Variants in FOXP1 observed in about 807,000 individuals in gnomAD.
The protein encoded by FOXP1 is forkhead box protein P1.
In FOXP1, 15 loss-of-function variants were observed where a neutral mutation model predicts 98.2. The ratio of observed to expected loss-of-function variants is 0.15; its 90% confidence interval spans 0.10 to 0.24. The LOEUF (loss-of-function observed/expected upper bound fraction) is 0.24. Among genes scored for constraint, FOXP1 ranks in the 10% least tolerant of loss-of-function variants. FOXP1 has a pLI of 1.00. For synonymous variants in FOXP1, 371 were observed against 314.5 expected (o/e 1.18, Z -1.90); for missense variants, 633 against 848.5 (o/e 0.75, Z 3.15).
Position 71,413,292 on chromosome 3 carries a change from C to CACACACACA in FOXP1, c.-167-54049_-167-54048insTGTGTGTGT, listed in dbSNP as rs1364185381. ...CACACACACACACACACACACACAC[C>CACACACACA]CAAAACAGCCAACCAGTATGGAACT... On this transcript the variant is annotated intron_variant, in intron 3 of 20. Transcript: ENST00000649528. Among the ~76,000 whole-genome samples, 479 of 89,196 alleles carry CACACACACA rather than the reference C, an allele frequency of 5.4e-3. 2 individuals carry two copies. Among genetic ancestry groups the CACACACACA allele is most frequent in the Non-Finnish European group, 8.8e-3 (347 of 39,308 alleles). 58.5% of individuals were successfully genotyped at this position (89,196 alleles called of 152,430 possible).
intron 11 of FOXP1, among the ~76,000 whole-genome samples, chr3:71,017,787 G>A (rs1272748985): frequency 6.6e-6 from 1 of 152,080 alleles, no homozygotes; most frequent in Non-Finnish European, 1.5e-5. Context: ...GCTTAAACAT[G>A]CCAATATTAT....
intron 17 of FOXP1, among the ~76,000 whole-genome samples, chr3:70,973,932 A>G (rs982043469): frequency 2.0e-5 from 3 of 147,224 alleles, no homozygotes; most frequent in Admixed American, 7.1e-5. Context: ...ATACTCTGAG[A>G]GGTGCTTCAG....
At chr3:71,180,946 A>G (rs1398685786) in intron 6 of FOXP1, among the ~76,000 whole-genome samples, 1 of 152,110 alleles carries the variant, frequency 6.6e-6, no homozygotes, top group Admixed American at 6.6e-5. Context: ...ATTGATTAGG[A>G]TATGTGTTTT....
rs1273032992 is a variant in FOXP1 at position 71,396,953 on chromosome 3, T to C, written c.-167-37709A>G. On this transcript the variant is annotated intron_variant, in intron 3 of 20. Transcript: ENST00000649528. Reference sequence around the variant, plus strand: ...ATATATACACATATATATATGTGTATATATATATATGTGTGTATATATATA... The same window carrying C: ...ATATATACACATATATATATGTGTACATATATATATGTGTGTATATATATA... 2.8e-4 allele frequency among the ~76,000 whole-genome samples: 15 copies of C among 53,038 alleles called. 1 individual carries two copies. The highest frequency in any genetic ancestry group is 9.9e-4 in the African/African-American group (13 of 13,110). The allele number at this position is 53,038 out of a possible 152,430, so 34.8% of individuals were successfully genotyped here.
chr3:71,184,756 C>G (rs533791749), intron 6 of FOXP1, among the ~76,000 whole-genome samples: 1 of 148,744 alleles, frequency 6.7e-6, no homozygotes, highest in East Asian at 2.0e-4. Flanking sequence ...AGCTGTGTAA[C>G]GTTTTTTTTT....
At chr3:71,087,289 A>C (rs1041479564) in intron 7 of FOXP1, among the ~76,000 whole-genome samples, 2 of 152,190 alleles carry the variant, frequency 1.3e-5, no homozygotes, top group African/African-American at 4.8e-5. Flanking sequence ...AACTCATGTG[A>C]CATCATTTTG....
At chr3:70,997,038 T>C (rs1219347330) in intron 13 of FOXP1, among the ~76,000 whole-genome samples, 1 of 152,212 alleles carries the variant, frequency 6.6e-6, no homozygotes, top group Non-Finnish European at 1.5e-5. Flanking sequence ...ACTGAGATAC[T>C]TGGAGGTTCA....
intron 17 of FOXP1, 97 bp from the exon 18 acceptor site, chr3:70,972,773 C>A: frequency 1.6e-6 from 2 of 1,284,684 alleles, no homozygotes; most frequent in East Asian, 2.4e-5. Flanking sequence ...ATTTGTAAAA[C>A]CATCCCCAAG....
intron 6 of FOXP1, among the ~76,000 whole-genome samples, chr3:71,160,339 G>A (rs1055175322): frequency 1.9e-4 from 29 of 152,206 alleles, no homozygotes; most frequent in African/African-American, 7.0e-4. Context: ...CTAGGTGGAG[G>A]TGAGGATTCT....
chr3:71,331,211 G>A (rs951276013), intron 4 of FOXP1, among the ~76,000 whole-genome samples: 3 of 152,216 alleles, frequency 2.0e-5, no homozygotes, highest in African/African-American at 4.8e-5. Flanking sequence ...TGGGCTCGGC[G>A]GCCCCGCACT....
At chr3:71,021,315 TTC>T (rs560561337) in intron 11 of FOXP1, among the ~76,000 whole-genome samples, 1 of 152,218 alleles carries the variant, frequency 6.6e-6, no homozygotes, top group Non-Finnish European at 1.5e-5. Context: ...TATGCCTGGC[TTC>T]TTTCACTTCC....
chr3:71,545,266 T>C (rs890849133), intron 2 of FOXP1, among the ~76,000 whole-genome samples: 1 of 152,204 alleles, frequency 6.6e-6, no homozygotes, highest in Non-Finnish European at 1.5e-5. Flanking sequence ...CTTGGGTAAG[T>C]CACAGTTTGT....
In FOXP1 at chr3:71,515,449, A is replaced by AAC. The variant is rs1553906395; in HGVS notation, c.-297-21895_-297-21894insGT. ...TTTACACAGCAAAAAAAAAAAAAAA[A>AAC]AAAACTGCACATTTATACAGCTGAG... On this transcript the variant is annotated intron_variant, in intron 2 of 20. Transcript: ENST00000649528. 7.1e-3 allele frequency among the ~76,000 whole-genome samples: 994 copies of AAC among 140,692 alleles called. 19 individuals are homozygous for AAC. The highest frequency in any genetic ancestry group is 0.021 in the African/African-American group (819 of 38,908). The allele number at this position is 140,692 out of a possible 152,430, so 92.3% of individuals were successfully genotyped here.
intron 19 of FOXP1, chr3:70,968,461 G>A (rs2035463615): frequency 1.3e-5 from 2 of 151,140 alleles, no homozygotes; most frequent in African/African-American, 4.9e-5. Flanking sequence ...ACAGCATGTG[G>A]TTTCATATCA....
chr3:71,385,683 C>T (rs1452489255), intron 3 of FOXP1, among the ~76,000 whole-genome samples: 1 of 152,178 alleles, frequency 6.6e-6, no homozygotes, highest in East Asian at 1.9e-4. Flanking sequence ...TGTATACAAA[C>T]ATGAATATGT....
intron 2 of FOXP1, among the ~76,000 whole-genome samples, chr3:71,512,665 T>C (rs992777882): frequency 2.0e-5 from 3 of 152,198 alleles, no homozygotes; most frequent in Non-Finnish European, 4.4e-5. Context: ...CATTTGTGAA[T>C]GCCACTTCAT....
chr3:71,059,124 C>T (rs928433465), intron 7 of FOXP1, among the ~76,000 whole-genome samples: 1 of 151,830 alleles, frequency 6.6e-6, no homozygotes, highest in Non-Finnish European at 1.5e-5. Flanking sequence ...TTTCAAAAGA[C>T]CTCTTTAAAA....
At chr3:71,370,641 T>C (rs987925011) in intron 3 of FOXP1, among the ~76,000 whole-genome samples, 3 of 152,164 alleles carry the variant, frequency 2.0e-5, no homozygotes, top group Non-Finnish European at 4.4e-5. Flanking sequence ...ATGAGACTAG[T>C]GCATTAGTGC....
intron 6 of FOXP1, among the ~76,000 whole-genome samples, chr3:71,185,713 C>G (rs1247426890): frequency 6.6e-6 from 1 of 152,160 alleles, no homozygotes; most frequent in African/African-American, 2.4e-5. Context: ...TTACTTGTCT[C>G]AAAATTTAAA....
Sources: allele counts gnomAD v4.1 joint callset (sites outside exome capture counted in the v4.1 genomes callset), GRCh38; gene constraint gnomAD v4.1.1; transcripts MANE v1.5; gene names NCBI Gene and HGNC (gene_info 2026-07-23, HGNC 2026-07-21).